PLXNA4: variants seen among roughly 807,000 people sequenced by gnomAD.
The protein encoded by PLXNA4 is plexin-A4.
A neutral mutation model predicts 191.8 loss-of-function variants in PLXNA4; 44 were observed. The observed-to-expected ratio is 0.23, with a 90% CI of 0.18 to 0.29. PLXNA4 has a LOEUF of 0.29. PLXNA4 is among the 10% of genes least tolerant of loss of function. The pLI is 1.00. For missense variants in PLXNA4, 1,800 were observed against 2,488.8 expected, an observed-to-expected ratio of 0.72 and a Z score of 5.89; for synonymous variants, 1,082 against 1,009.5, an observed-to-expected ratio of 1.07 and a Z score of -1.36.
At chr7:132,627,022 C>G (rs117288636) in intron 2 of PLXNA4, among the ~76,000 whole-genome samples, 2,867 of 152,316 alleles carry the variant, frequency 0.019, 67 homozygotes, top group Middle Eastern at 0.065. Flanking sequence ...TGACTACCTG[C>G]TCTACCTTGG....
At chr7:132,577,937 C>G (rs1488002959), upstream of PLXNA4, among the ~76,000 whole-genome samples, 3 of 152,128 alleles carry the variant, frequency 2.0e-5, no homozygotes, top group African/African-American at 4.8e-5. Flanking sequence ...ACATGAGTGG[C>G]CAGTGCCCCA....
chr7:132,452,612 G>A (rs1480879338), intron 3 of PLXNA4, among the ~76,000 whole-genome samples: 1 of 152,162 alleles, frequency 6.6e-6, no homozygotes, highest in Non-Finnish European at 1.5e-5. Flanking sequence ...CCAGCTCCCT[G>A]GGGGCCTGAT....
chr7:132,579,253 C>T (rs12386697), upstream of PLXNA4, among the ~76,000 whole-genome samples: 259 of 152,154 alleles, frequency 1.7e-3, no homozygotes, highest in Middle Eastern at 6.8e-3. Context: ...ATTAAAGGCG[C>T]GGGGGAGACT....
intron 8 of PLXNA4, among the ~76,000 whole-genome samples, chr7:132,223,903 T>C (rs930220039): frequency 1.8e-4 from 27 of 152,024 alleles, no homozygotes; most frequent in African/African-American, 6.3e-4. Context: ...TCCATCTCCA[T>C]GGGATAACAT....
chr7:132,311,917 C>T (rs1231224212), intron 3 of PLXNA4, among the ~76,000 whole-genome samples: 1 of 152,080 alleles, frequency 6.6e-6, no homozygotes, highest in African/African-American at 2.4e-5. Flanking sequence ...CATCACCAGA[C>T]AGAGCTGGAA....
At chr7:132,620,766 A>T (rs543751763) in intron 2 of PLXNA4, among the ~76,000 whole-genome samples, 26 of 152,324 alleles carry the variant, frequency 1.7e-4, no homozygotes, top group African/African-American at 5.8e-4. Context: ...ATCCGCTCAT[A>T]TAACTCTACC....
intron 3 of PLXNA4, among the ~76,000 whole-genome samples, chr7:132,442,190 A>C (rs1431573336): frequency 6.6e-6 from 1 of 152,212 alleles, no homozygotes; most frequent in East Asian, 1.9e-4. Flanking sequence ...GCAGAGAATG[A>C]GTTGTCAGTC....
intron 3 of PLXNA4, among the ~76,000 whole-genome samples, chr7:132,301,083 G>A (rs1415229876): frequency 2.0e-5 from 3 of 152,172 alleles, no homozygotes; most frequent in Non-Finnish European, 4.4e-5. Flanking sequence ...AAGGAGGCTG[G>A]ATGCAGATTA....
At chr7:132,386,177 T>C (rs1805129052) in intron 3 of PLXNA4, among the ~76,000 whole-genome samples, 1 of 151,722 alleles carries the variant, frequency 6.6e-6, no homozygotes, top group Non-Finnish European at 1.5e-5. Context: ...AGGTGGGAAA[T>C]GGAAGAAAAA....
chr7:132,407,558 C>T (rs1242648396), intron 3 of PLXNA4, among the ~76,000 whole-genome samples: 1 of 152,162 alleles, frequency 6.6e-6, no homozygotes, highest in Non-Finnish European at 1.5e-5. Context: ...AAATTGGCTG[C>T]TCAGGTCCTG....
chr7:132,230,942 T>C (rs1232501502), intron 5 of PLXNA4, among the ~76,000 whole-genome samples: 3 of 152,038 alleles, frequency 2.0e-5, no homozygotes, highest in Non-Finnish European at 2.9e-5. Flanking sequence ...CTTCCAGGGG[T>C]AGGGAGGAAG....
At chr7:132,366,456 G>A (rs368702084) in intron 3 of PLXNA4, among the ~76,000 whole-genome samples, 9 of 152,146 alleles carry the variant, frequency 5.9e-5, no homozygotes, top group African/African-American at 1.4e-4. Flanking sequence ...CTCAGGATGC[G>A]GAGGCTGCAG....
intron 3 of PLXNA4, among the ~76,000 whole-genome samples, chr7:132,416,434 C>T (rs978795522): frequency 3.3e-5 from 5 of 152,272 alleles, no homozygotes; most frequent in African/African-American, 1.2e-4. Context: ...ACTGGGGAGG[C>T]CAATGGCCCA....
intron 3 of PLXNA4, among the ~76,000 whole-genome samples, chr7:132,392,099 G>T (rs1261846959): frequency 1.3e-5 from 2 of 151,850 alleles, no homozygotes; most frequent in African/African-American, 4.8e-5. Flanking sequence ...TTGCACTCCA[G>T]CCTGGGCAAC....
Position 132,159,701 on chromosome 7 carries a change from G to C in PLXNA4, c.4501-69C>G, listed in dbSNP as rs1002642751. On this transcript the variant is annotated intron_variant, in intron 24 of 31. Coordinates refer to ENST00000321063, the MANE Select transcript of PLXNA4 (RefSeq NM_020911.2). ...AGGAAAAGCTCCTAGATCCCCAGCAGCACCCTGGGATTCCGTCCTGAATGG... is the reference window on the plus strand; with the variant it reads ...AGGAAAAGCTCCTAGATCCCCAGCACCACCCTGGGATTCCGTCCTGAATGG... 3 of 1,589,262 alleles carry C rather than the reference G, an allele frequency of 1.9e-6. No homozygotes were observed. In the African/African-American group the frequency reaches 4.0e-5, roughly 21 times the overall value.
At chr7:132,384,809 TGCA>T (rs891765441) in intron 3 of PLXNA4, 1 of 1,124,082 alleles carries the variant, frequency 8.9e-7, no homozygotes, top group African/African-American at 1.7e-5. Flanking sequence ...GCGACTTGGC[TGCA>T]GAAGTGGACA....
intron 3 of PLXNA4, among the ~76,000 whole-genome samples, chr7:132,472,969 A>G (rs1048420835): frequency 5.9e-5 from 9 of 152,252 alleles, no homozygotes; most frequent in Non-Finnish European, 1.2e-4. Context: ...GACAAACAGT[A>G]CTAAACATTA....
At chr7:132,620,174 C>G (rs12707049) in intron 2 of PLXNA4, among the ~76,000 whole-genome samples, 52,316 of 152,050 alleles carry the variant, frequency 0.34, 11,539 homozygotes, top group Non-Finnish European at 0.5. Context: ...ACCTACCAGT[C>G]TTGAAAGACA....
At chr7:132,213,784 A>G (rs1797877481) in intron 9 of PLXNA4, among the ~76,000 whole-genome samples, 1 of 152,122 alleles carries the variant, frequency 6.6e-6, no homozygotes, top group African/African-American at 2.4e-5. Context: ...TGAAGCAGCA[A>G]GGAGCCTGAC....
Sources: gnomAD v4.1 joint callset for allele counts (sites outside exome capture counted in the v4.1 genomes callset) on GRCh38, gnomAD v4.1.1 for gene constraint, MANE v1.5 for transcripts, NCBI Gene and HGNC (gene_info 2026-07-23, HGNC 2026-07-21) for gene names.